The following ZNF536 variants were observed in gnomAD, a reference collection of about 807,000 sequenced individuals.
ZNF536 encodes the protein zinc finger protein 536.
Under a neutral mutation model 84.5 loss-of-function variants are expected in ZNF536, and 13 were observed. The ratio of observed to expected loss-of-function variants is 0.15; its 90% confidence interval spans 0.10 to 0.24. The LOEUF is 0.24. Among genes scored for constraint, ZNF536 ranks in the 10% least tolerant of loss-of-function variants. ZNF536 has a pLI of 1.00. For missense variants in ZNF536, 1,536 were observed against 1,747.5 expected, an observed-to-expected ratio of 0.88 and a Z score of 2.16; for synonymous variants, 811 against 742.5, an observed-to-expected ratio of 1.09 and a Z score of -1.50.
intron 2 of ZNF536, among the ~76,000 whole-genome samples, chr19:30,325,333 C>T (rs2046988610): frequency 6.6e-6 from 1 of 152,206 alleles, no homozygotes; most frequent in South Asian, 2.1e-4. Context: ...AGTGGCATGT[C>T]GGATCTGGGA....
intron 1 of ZNF536, among the ~76,000 whole-genome samples, chr19:30,435,331 G>A (rs538359264): frequency 6.6e-6 from 1 of 151,054 alleles, no homozygotes; most frequent in South Asian, 2.1e-4. Context: ...TGGTGATGAT[G>A]ATGGTGATGG....
At chr19:30,691,755 A>T (rs2051418444) in intron 1 of ZNF536, among the ~76,000 whole-genome samples, 1 of 152,220 alleles carries the variant, frequency 6.6e-6, no homozygotes, top group Non-Finnish European at 1.5e-5. Context: ...AGAAAAAAAA[A>T]TGGGGAGGGG....
intron 1 of ZNF536, among the ~76,000 whole-genome samples, chr19:30,422,260 G>A (rs2050994589): frequency 1.3e-5 from 2 of 152,150 alleles, no homozygotes; most frequent in South Asian, 4.1e-4. Flanking sequence ...CTGAAGACAA[G>A]ACATATTGAC....
intron 1 of ZNF536, among the ~76,000 whole-genome samples, chr19:30,584,390 G>C (rs888673333): frequency 2.0e-5 from 3 of 152,212 alleles, no homozygotes; most frequent in Admixed American, 6.5e-5. Flanking sequence ...TGAAGGTGCT[G>C]TGTGTTTAGT....
At chr19:30,413,420 C>T (rs530252205) in intron 1 of ZNF536, among the ~76,000 whole-genome samples, 1 of 152,162 alleles carries the variant, frequency 6.6e-6, no homozygotes, top group East Asian at 1.9e-4. Flanking sequence ...GTTTGTTTTG[C>T]TATTGCTTTG....
chr19:30,441,491 T>C (rs1682329431), intron 1 of ZNF536, among the ~76,000 whole-genome samples: 2 of 152,180 alleles, frequency 1.3e-5, no homozygotes, highest in Admixed American at 6.5e-5. Flanking sequence ...GTCCTGGGGC[T>C]GGTGGGTCTT....
At chr19:30,362,036 G>C (rs202050048) in intron 3 of ZNF536, among the ~76,000 whole-genome samples, 1 of 13,164 alleles carries the variant, frequency 7.6e-5, no homozygotes, top group African/African-American at 1.6e-4. Context: ...TGGTCCTACT[G>C]TACTGCGGGT....
At chr19:30,639,102 T>A (rs35404182) in intron 1 of ZNF536, among the ~76,000 whole-genome samples, 11 of 152,224 alleles carry the variant, frequency 7.2e-5, no homozygotes. Context: ...TCTGTCTTTG[T>A]TTTTACTCAT....
At chr19:30,240,120 A>C (rs1159634353) in intron 1 of ZNF536, among the ~76,000 whole-genome samples, 1 of 152,042 alleles carries the variant, frequency 6.6e-6, no homozygotes, top group Non-Finnish European at 1.5e-5. Flanking sequence ...TGTAATCCTA[A>C]CACTTTGAGA....
intron 1 of ZNF536, among the ~76,000 whole-genome samples, chr19:30,661,412 G>A (rs1246428671): frequency 6.6e-6 from 1 of 152,176 alleles, no homozygotes; most frequent in Non-Finnish European, 1.5e-5. Context: ...CAAAGGAAAA[G>A]GCTGGTATAA....
At chr19:30,641,853 T>C (rs1260119846) in intron 1 of ZNF536, among the ~76,000 whole-genome samples, 2 of 151,738 alleles carry the variant, frequency 1.3e-5, no homozygotes, top group African/African-American at 4.8e-5. Context: ...ACCTAGAGGA[T>C]GGCAGTAGAG....
At chr19:30,381,959 T>C (rs1002666412) in intron 1 of ZNF536, among the ~76,000 whole-genome samples, 2 of 152,188 alleles carry the variant, frequency 1.3e-5, no homozygotes, top group Non-Finnish European at 1.5e-5. Flanking sequence ...AAGTTCTTAA[T>C]TTAAATTCTT....
intron 1 of ZNF536, among the ~76,000 whole-genome samples, chr19:30,666,832 G>GTGTATA (rs71333464): frequency 8.0e-5 from 12 of 149,170 alleles, no homozygotes; most frequent in African/African-American, 2.7e-4. Context: ...GTGTGTGTGT[G>GTGTATA]TATATATATA....
chr19:30,579,351 C>T (rs2046843680), intron 1 of ZNF536, among the ~76,000 whole-genome samples: 1 of 152,190 alleles, frequency 6.6e-6, no homozygotes, highest in Admixed American at 6.5e-5. Flanking sequence ...CCTGCTGATC[C>T]TGGCTAGGCT....
intron 1 of ZNF536, among the ~76,000 whole-genome samples, chr19:30,627,077 G>T (rs1015144094): frequency 5.3e-5 from 8 of 152,120 alleles, no homozygotes; most frequent in African/African-American, 1.7e-4. Flanking sequence ...TCCTTCCTGA[G>T]CCTGGAAGCT....
In ZNF536 at chr19:30,445,334, A is replaced by C. The variant is rs750316142; in HGVS notation, c.1772A>C (p.Gln591Pro). The C allele has an allele frequency of 2.3e-5, 37 of 1,614,096 alleles. No homozygotes were observed. Among genetic ancestry groups the C allele is most frequent in the Non-Finnish European group, 3.1e-5 (36 of 1,180,048 alleles). ...DLVHSTKVGS[Q>P]RDLPSKLDPL... ...GTTCACAGCACTAAAGTGGGCAGCCAGAGAGACCTGCCAAGTAAGCTCGAC... is the reference window on the plus strand; with the variant it reads ...GTTCACAGCACTAAAGTGGGCAGCCCGAGAGACCTGCCAAGTAAGCTCGAC... The change falls in exon 2 of 5, where the codon CAG becomes CCG. Residue 591 changes from glutamine to proline, a missense_variant. Transcript: ENST00000355537. The surrounding 1 kb of genome is among the most constrained non-coding windows in gnomAD (Gnocchi z 4.5).
At chr19:30,635,627 T>C (rs531692967) in intron 1 of ZNF536, among the ~76,000 whole-genome samples, 1 of 152,248 alleles carries the variant, frequency 6.6e-6, no homozygotes, top group African/African-American at 2.4e-5. Context: ...CTCCTGGGTG[T>C]GGCTGGGGGT....
At chr19:30,317,407 T>G (rs1270544744) in intron 2 of ZNF536, among the ~76,000 whole-genome samples, 1 of 152,202 alleles carries the variant, frequency 6.6e-6, no homozygotes, top group Non-Finnish European at 1.5e-5. Context: ...GGCAGACACA[T>G]GGTAGGTGAC....
upstream of ZNF536, among the ~76,000 whole-genome samples, chr19:30,370,785 C>A (rs534589740): frequency 1.3e-5 from 2 of 152,110 alleles, no homozygotes; most frequent in African/African-American, 2.4e-5. Context: ...GATATTAATG[C>A]CCTCCAATTA....
Sources: gnomAD v4.1 joint callset for allele counts (sites outside exome capture counted in the v4.1 genomes callset) on GRCh38, gnomAD v4.1.1 for gene constraint, Gnocchi (gnomAD v3.1) non-coding constraint, MANE v1.5 for transcripts, NCBI Gene and HGNC (gene_info 2026-07-23, HGNC 2026-07-21) for gene names.